AFF3: variants seen among roughly 807,000 people sequenced by gnomAD.
The protein encoded by AFF3 is AF4/FMR2 family member 3.
In AFF3, 32 loss-of-function variants were observed where a neutral mutation model predicts 129.7. That is an observed-to-expected ratio of 0.25 (90% CI 0.19 to 0.33). The LOEUF (loss-of-function observed/expected upper bound fraction) is 0.33, where lower values mean the gene tolerates loss of function less well. Among genes scored for constraint, AFF3 ranks in the 10% least tolerant of loss-of-function variants. AFF3 has a pLI of 1.00. For synonymous variants in AFF3, 644 were observed against 635.4 expected, an observed-to-expected ratio of 1.01 and a Z score of -0.20; for missense variants, 1,373 against 1,592.0, an observed-to-expected ratio of 0.86 and a Z score of 2.34.
intron 8 of AFF3, among the ~76,000 whole-genome samples, chr2:99,797,721 G>C (rs1251789435): frequency 6.6e-6 from 1 of 152,114 alleles, no homozygotes; most frequent in Non-Finnish European, 1.5e-5. Flanking sequence ...CAGATTTACT[G>C]TTGGAAACAA....
At chr2:99,947,239 G>A (rs1004203716) in intron 7 of AFF3, among the ~76,000 whole-genome samples, 3 of 152,036 alleles carry the variant, frequency 2.0e-5, no homozygotes, top group Non-Finnish European at 4.4e-5. Context: ...TCAGGAGTTC[G>A]AGACCAGTCT....
At chr2:99,872,854 A>G (rs771626842) in intron 7 of AFF3, among the ~76,000 whole-genome samples, 2 of 152,190 alleles carry the variant, frequency 1.3e-5, no homozygotes, top group African/African-American at 4.8e-5. Flanking sequence ...TATTTAAGTT[A>G]AAGTAGTTGT....
At chr2:99,572,290 A>ACCCCCCC (rs1466407708) in intron 18 of AFF3, among the ~76,000 whole-genome samples, 1 of 45,364 alleles carries the variant, frequency 2.2e-5, no homozygotes, top group Non-Finnish European at 3.9e-5. Flanking sequence ...TCCCCCTCCC[A>ACCCCCCC]CCACCCCCCC....
chr2:100,028,681 A>G (rs1194286596), intron 4 of AFF3, among the ~76,000 whole-genome samples: 3 of 152,128 alleles, frequency 2.0e-5, no homozygotes, highest in African/African-American at 7.2e-5. Context: ...TGTTCTTACT[A>G]TTTTTGAATG....
intron 7 of AFF3, among the ~76,000 whole-genome samples, chr2:99,970,369 T>A (rs1471931971): frequency 6.6e-6 from 1 of 152,180 alleles, no homozygotes; most frequent in Non-Finnish European, 1.5e-5. Flanking sequence ...CAGCCACTGA[T>A]TAGTGCTGCT....
At position 99,593,529 on chromosome 2, in the gene AFF3, G is replaced by T. The variant is rs751022818; in HGVS notation, c.2132C>A (p.Ala711Asp). The change falls in exon 15 of 25, where the codon GCC becomes GAC. Residue 711 changes from alanine (A) to aspartate (D), a missense_variant. Transcript: ENST00000672756. Reference protein sequence around the residue: ...SSGNDQRLKEAAANGGSGPRA... With the variant: ...SSGNDQRLKEDAANGGSGPRA... Reference sequence around the variant, plus strand: ...AGGACCACTGCCCCCGTTGGCAGCGGCCTCCTTCAGCCTCTGATCATTCCC... The same window carrying T: ...AGGACCACTGCCCCCGTTGGCAGCGTCCTCCTTCAGCCTCTGATCATTCCC... The T allele has an allele frequency of 6.2e-7, 1 of 1,613,114 alleles. No individual in the cohort carries two copies. The highest frequency in any genetic ancestry group is 1.3e-5 in the African/African-American group (1 of 75,034).
chr2:99,961,544 T>C lies in AFF3; in HGVS notation c.873+45088A>G, dbSNP rs141231516. ...ACACAGGTTTTAGAGATTATCTGTC[T>C]CTGAGTTTTCCACAGTCCTACACAG... On this transcript the variant is annotated intron_variant, in intron 7 of 24. Coordinates refer to ENST00000672756, the MANE Select transcript of AFF3 (RefSeq NM_001386135.1). 1.2e-3 allele frequency among the ~76,000 whole-genome samples: 184 copies of C among 152,312 alleles called. 1 individual carries two copies. Among genetic ancestry groups the C allele is most frequent in the East Asian group, 1.7e-3 (9 of 5,178 alleles).
intron 8 of AFF3, among the ~76,000 whole-genome samples, chr2:99,772,576 G>A (rs1683578422): frequency 1.3e-5 from 2 of 152,054 alleles, no homozygotes; most frequent in Admixed American, 1.3e-4. Context: ...TCTAGCATTT[G>A]TTTTTTCTTC....
chr2:99,835,167 T>C (rs1407244402), intron 8 of AFF3, among the ~76,000 whole-genome samples: 9 of 152,170 alleles, frequency 5.9e-5, no homozygotes, highest in Non-Finnish European at 1.5e-5. Context: ...GCTTCTCCTT[T>C]TCCCGGTGGA....
intron 4 of AFF3, among the ~76,000 whole-genome samples, chr2:100,019,343 C>T (rs1018162585): frequency 9.9e-5 from 15 of 152,164 alleles, no homozygotes; most frequent in Admixed American, 3.3e-4. Context: ...AATCAACTTA[C>T]CTGTGAGGTA....
chr2:99,683,272 A>G (rs1188086512), intron 11 of AFF3, among the ~76,000 whole-genome samples: 1 of 152,208 alleles, frequency 6.6e-6, no homozygotes, highest in Admixed American at 6.5e-5. Context: ...CATCTGTAAA[A>G]TGGAAAAACG....
intron 22 of AFF3, among the ~76,000 whole-genome samples, chr2:99,554,962 A>G (rs1021469237): frequency 8.5e-5 from 13 of 152,202 alleles, no homozygotes; most frequent in African/African-American, 1.2e-4. Context: ...TATTTCTCTT[A>G]AAGGGAGTTG....
chr2:100,078,476 A>G (rs1688775788), intron 4 of AFF3, among the ~76,000 whole-genome samples: 1 of 152,212 alleles, frequency 6.6e-6, no homozygotes, highest in African/African-American at 2.4e-5. Flanking sequence ...CTGCAGGAAT[A>G]TCTATGTAGG....
intron 4 of AFF3, among the ~76,000 whole-genome samples, chr2:100,010,629 A>C (rs1682443909): frequency 1.3e-5 from 2 of 152,102 alleles, no homozygotes; most frequent in Admixed American, 6.5e-5. Flanking sequence ...TCTTCTACCA[A>C]CTGAGAGGCT....
intron 12 of AFF3, among the ~76,000 whole-genome samples, chr2:99,654,509 T>C (rs749401960): frequency 3.9e-5 from 6 of 152,226 alleles, no homozygotes; most frequent in Non-Finnish European, 5.9e-5. Context: ...GACTCATGAT[T>C]GAAACTTGAA....
chr2:99,842,204 T>G (rs1339098796), intron 7 of AFF3, among the ~76,000 whole-genome samples: 1 of 152,142 alleles, frequency 6.6e-6, no homozygotes, highest in African/African-American at 2.4e-5. Context: ...GGTTGGGGGA[T>G]CTGGGGTACG....
intron 13 of AFF3, 101 bp from the exon 14 acceptor site, chr2:99,601,722 G>T: frequency 1.5e-6 from 2 of 1,362,882 alleles, no homozygotes; most frequent in Non-Finnish European, 2.0e-6. Flanking sequence ...GAGGGAGGAG[G>T]CACGCAGCCT....
chr2:99,632,935 AGAGTT>A (rs1235137736), intron 13 of AFF3, among the ~76,000 whole-genome samples: 1 of 152,208 alleles, frequency 6.6e-6, no homozygotes, highest in Non-Finnish European at 1.5e-5. Context: ...ATGGAGGTGA[AGAGTT>A]GAGAGTGAAG....
At chr2:99,860,243 C>G (rs1463226126) in intron 7 of AFF3, among the ~76,000 whole-genome samples, 1 of 151,916 alleles carries the variant, frequency 6.6e-6, no homozygotes, top group African/African-American at 2.4e-5. Flanking sequence ...ATGGTGAAAC[C>G]CTGTCTCTAC....
Sources: allele counts gnomAD v4.1 joint callset (sites outside exome capture counted in the v4.1 genomes callset), GRCh38; gene constraint gnomAD v4.1.1; transcripts MANE v1.5; gene names NCBI Gene and HGNC (gene_info 2026-07-23, HGNC 2026-07-21).